Variants in COL27A1 observed in about 807,000 individuals in gnomAD.
COL27A1 encodes the protein collagen alpha-1(XXVII) chain.
In COL27A1, 106 loss-of-function variants were observed where a neutral mutation model predicts 251.3. The observed-to-expected ratio is 0.42, with a 90% CI of 0.36 to 0.50. The LOEUF (loss-of-function observed/expected upper bound fraction) is 0.50, where lower values mean the gene tolerates loss of function less well. Ranked by LOEUF, COL27A1 falls within the 20% of genes least tolerant of loss-of-function variation. The probability of loss-of-function intolerance (pLI) is 0.00; values close to 1 mark genes in which losing one functional copy is unlikely to be tolerated. For synonymous variants in COL27A1, 1,000 were observed against 986.3 expected, an observed-to-expected ratio of 1.01 and a Z score of -0.26; for missense variants, 2,325 against 2,522.8, an observed-to-expected ratio of 0.92 and a Z score of 1.68.
In COL27A1 at chr9:114,183,325, CAG is replaced by C. The variant is rs541852603; in HGVS notation, c.2016+255_2016+256del. The stretch of plus-strand genomic sequence containing the variant: ...AACCCAGAGCCTTCAGGGGAGTGGG[CAG>C]AGAGGTGATTTCTTGCTAAATAGGG... On this transcript the variant is annotated intron_variant, in intron 5 of 60. Coordinates refer to ENST00000356083, the MANE Select transcript of COL27A1 (RefSeq NM_032888.4). 1.5e-4 allele frequency among the ~76,000 whole-genome samples: 23 copies of C among 152,248 alleles called. No individual in the cohort carries two copies. In the East Asian group the frequency reaches 3.7e-3, roughly 24 times the overall value.
At chr9:114,292,789 G>A (rs1828012797) in intron 49 of COL27A1, among the ~76,000 whole-genome samples, 1 of 152,112 alleles carries the variant, frequency 6.6e-6, no homozygotes, top group African/African-American at 2.4e-5. Flanking sequence ...CCAAACAGCT[G>A]GAGTAGCTAT....
At chr9:114,269,614 C>CAAAAAAAAAA (rs552967033) in intron 35 of COL27A1, among the ~76,000 whole-genome samples, 1 of 69,218 alleles carries the variant, frequency 1.4e-5, no homozygotes, top group Non-Finnish European at 2.8e-5. Context: ...GACTCCATCT[C>CAAAAAAAAAA]AAAAAAAAAA....
chr9:114,176,203 G>A lies in COL27A1; in HGVS notation c.1909-2088G>A, dbSNP rs979592601. 7.2e-5 allele frequency among the ~76,000 whole-genome samples: 11 copies of A among 152,258 alleles called. No individual in the cohort carries two copies. In the South Asian group the frequency reaches 8.3e-4, roughly 11 times the overall value. The stretch of plus-strand genomic sequence containing the variant: ...GCATGGTATACCTACAGTATGCTTC[G>A]TCTCAGCCCCCTGCTTTTTCTTTAA... On this transcript the variant is annotated intron_variant, in intron 3 of 60. Transcript: ENST00000356083.
At chr9:114,307,830 C>A in intron 59 of COL27A1, 52 bp downstream of exon 59, 1 of 1,393,114 alleles carries the variant, frequency 7.2e-7, no homozygotes, top group Non-Finnish European at 1.0e-6. Context: ...CTATCCCCAG[C>A]CTGCCCTGGG....
chr9:114,302,948 G>A (rs1243007008), intron 56 of COL27A1, among the ~76,000 whole-genome samples: 2 of 152,082 alleles, frequency 1.3e-5, no homozygotes, highest in Non-Finnish European at 2.9e-5. Flanking sequence ...AATGGGCCAG[G>A]AGCCCTTGAG....
intron 49 of COL27A1, among the ~76,000 whole-genome samples, chr9:114,297,456 A>G (rs905865363): frequency 6.6e-6 from 1 of 152,134 alleles, no homozygotes; most frequent in Non-Finnish European, 1.5e-5. Flanking sequence ...AAATTCAGCA[A>G]TATGCCTAAA....
intron 6 of COL27A1, among the ~76,000 whole-genome samples, chr9:114,194,925 G>A (rs1397960387): frequency 1.3e-5 from 2 of 152,206 alleles, no homozygotes; most frequent in African/African-American, 4.8e-5. Context: ...CCCTAACTCT[G>A]AAGGGCTATG....
chr9:114,218,369 G>A (rs1564482341), intron 12 of COL27A1: 1 of 156,828 alleles, frequency 6.4e-6, no homozygotes, highest in African/African-American at 2.4e-5. Context: ...ACACGCGTTT[G>A]AGCAGCTTCT....
intron 14 of COL27A1, among the ~76,000 whole-genome samples, chr9:114,224,215 T>C (rs1282030492): frequency 6.6e-6 from 1 of 152,206 alleles, no homozygotes; most frequent in Non-Finnish European, 1.5e-5. Context: ...AATCTGACCC[T>C]CTCTAAGCCC....
At chr9:114,240,713 G>T (rs1420133569) in intron 21 of COL27A1, among the ~76,000 whole-genome samples, 1 of 152,150 alleles carries the variant, frequency 6.6e-6, no homozygotes, top group Non-Finnish European at 1.5e-5. Flanking sequence ...TGGCTTCCCC[G>T]CACCCTCCCT....
intron 37 of COL27A1, among the ~76,000 whole-genome samples, chr9:114,278,362 T>C (rs1430657570): frequency 5.1e-4 from 2 of 3,898 alleles, no homozygotes; most frequent in Non-Finnish European, 1.1e-3. Context: ...GCGATGGTGA[T>C]AGTGGAGTGG....
intron 25 of COL27A1, among the ~76,000 whole-genome samples, chr9:114,251,023 CCT>C (rs1367000163): frequency 1.3e-5 from 2 of 152,152 alleles, no homozygotes; most frequent in Non-Finnish European, 2.9e-5. Context: ...CCTTGCTAAG[CCT>C]CTGTTTTAGA....
At chr9:114,212,809 G>A (rs966135415) in intron 12 of COL27A1, among the ~76,000 whole-genome samples, 7 of 152,212 alleles carry the variant, frequency 4.6e-5, no homozygotes, top group African/African-American at 1.7e-4. Context: ...AAGGTTTCCT[G>A]GATGGCTGAG....
intron 5 of COL27A1, among the ~76,000 whole-genome samples, chr9:114,186,068 T>A (rs1564444149): frequency 6.6e-6 from 1 of 152,186 alleles, no homozygotes; most frequent in Non-Finnish European, 1.5e-5. Flanking sequence ...GTATTTCAGA[T>A]CCTTGGGTTT....
At chr9:114,169,778 A>G (rs1849181850) in intron 3 of COL27A1, among the ~76,000 whole-genome samples, 1 of 152,204 alleles carries the variant, frequency 6.6e-6, no homozygotes, top group Non-Finnish European at 1.5e-5. Flanking sequence ...GCAAAGCTCG[A>G]ACAGCTTAAG....
chr9:114,222,088 G>A (rs1831148644), intron 13 of COL27A1, 135 bp from the exon 14 acceptor site: 3 of 690,888 alleles, frequency 4.3e-6, no homozygotes, highest in Non-Finnish European at 7.7e-6. Flanking sequence ...GAAAGTCGCT[G>A]GAGCCTGTGG....
At chr9:114,303,648 AGCTTTCCCC>A in intron 56 of COL27A1, among the ~76,000 whole-genome samples, 1 of 152,226 alleles carries the variant, frequency 6.6e-6, no homozygotes, top group African/African-American at 2.4e-5. Context: ...AGAGTTAAGC[AGCTTTCCCC>A]AGATTATGCA....
intron 2 of COL27A1, 88 bp from the exon 3 acceptor site, chr9:114,167,601 A>C: frequency 9.0e-7 from 1 of 1,108,048 alleles, no homozygotes; most frequent in Non-Finnish European, 1.3e-6. Flanking sequence ...TGGACGGTCC[A>C]CATTGCCTGT....
chr9:114,275,213 A>G (rs1395189010), intron 36 of COL27A1, among the ~76,000 whole-genome samples: 1 of 151,896 alleles, frequency 6.6e-6, no homozygotes, highest in Non-Finnish European at 1.5e-5. Context: ...GCGGTGACCT[A>G]TAATTGCGCC....
Sources: gnomAD v4.1 joint callset for allele counts (sites outside exome capture counted in the v4.1 genomes callset) on GRCh38, gnomAD v4.1.1 for gene constraint, MANE v1.5 for transcripts, NCBI Gene and HGNC (gene_info 2026-07-23, HGNC 2026-07-21) for gene names.